DAB2IP: variants seen among roughly 807,000 people sequenced by gnomAD.
DAB2IP encodes disabled homolog 2-interacting protein.
DAB2IP carries 28 observed loss-of-function variants against 107.2 expected under a neutral mutation model. The observed-to-expected ratio is 0.26, with a 90% CI of 0.19 to 0.36. The LOEUF is 0.36. Among genes scored for constraint, DAB2IP ranks in the 10% least tolerant of loss-of-function variants. The pLI is 1.00. For synonymous variants in DAB2IP, 755 were observed against 706.4 expected (o/e 1.07, Z -1.09); for missense variants, 1,400 against 1,644.7 (o/e 0.85, Z 2.57).
At chr9:121,753,427 T>G (rs1214357751) in intron 3 of DAB2IP, among the ~76,000 whole-genome samples, 1 of 152,202 alleles carries the variant, frequency 6.6e-6, no homozygotes, top group Non-Finnish European at 1.5e-5. Context: ...TTGGGCCACC[T>G]TCTCTTCCAC....
chr9:121,620,543 T>C (rs183594791), intron 1 of DAB2IP, among the ~76,000 whole-genome samples: 3 of 152,328 alleles, frequency 2.0e-5, no homozygotes, highest in Admixed American at 2.0e-4. Context: ...GTGAGGTAGC[T>C]AATACATATC....
At chr9:121,784,668 C>G (rs1835881463) in exon 16 of DAB2IP, 1 of 154,942 alleles carries the variant, frequency 6.5e-6, no homozygotes, top group Non-Finnish European at 1.5e-5. Context: ...ATCCTTTGGT[C>G]CTGGTGCTGC....
chr9:121,681,326 G>C (rs1285490975), intron 2 of DAB2IP, among the ~76,000 whole-genome samples: 1 of 152,170 alleles, frequency 6.6e-6, no homozygotes, highest in African/African-American at 2.4e-5. Context: ...TCTAATAGGG[G>C]TATTATCACA....
At chr9:121,694,054 C>A (rs1016253733) in intron 2 of DAB2IP, among the ~76,000 whole-genome samples, 1 of 152,156 alleles carries the variant, frequency 6.6e-6, no homozygotes, top group African/African-American at 2.4e-5. Context: ...CAGGTCTTCA[C>A]TGGGAGCCCC....
intron 3 of DAB2IP, among the ~76,000 whole-genome samples, chr9:121,710,480 G>A (rs181562182): frequency 3.5e-4 from 54 of 152,232 alleles, no homozygotes; most frequent in African/African-American, 1.2e-3. Context: ...ATTCTCAAGC[G>A]TCTTTTTCTG....
chr9:121,691,192 A>C (rs1390719210), intron 2 of DAB2IP, among the ~76,000 whole-genome samples: 1 of 152,240 alleles, frequency 6.6e-6, no homozygotes, highest in Non-Finnish European at 1.5e-5. Context: ...CCAGCACTGG[A>C]GACCCAGGTT....
chr9:121,770,670 G>A, exon 11 of DAB2IP: 1 of 1,614,134 alleles, frequency 6.2e-7, no homozygotes, highest in South Asian at 1.1e-5. Context: ...GGCTCTGGCA[G>A]CAGCAGCATC....
At chr9:121,623,115 A>G (rs1831531264) in intron 1 of DAB2IP, among the ~76,000 whole-genome samples, 1 of 152,112 alleles carries the variant, frequency 6.6e-6, no homozygotes, top group Non-Finnish European at 1.5e-5. Flanking sequence ...TTCTCACCTC[A>G]GTTTTGCAGA....
intron 1 of DAB2IP, among the ~76,000 whole-genome samples, chr9:121,630,635 T>C (rs1284574073): frequency 2.0e-5 from 3 of 151,298 alleles, no homozygotes; most frequent in African/African-American, 7.3e-5. Flanking sequence ...TTGAATGGAG[T>C]CTTGCTCTGT....
rs1204551447 is a variant in DAB2IP at position 121,760,639 on chromosome 9, G to C, written c.1170+200G>C. Reference sequence around the variant, plus strand: ...CTCTGTGGCTGGAGCTGATCACTGAGGCCTGTGTGGAGCCAGTGGATGGGA... The same window carrying C: ...CTCTGTGGCTGGAGCTGATCACTGACGCCTGTGTGGAGCCAGTGGATGGGA... On this transcript the variant is annotated intron_variant, in intron 6 of 15. Coordinates refer to ENST00000408936, the Ensembl canonical transcript of DAB2IP. This position sits in a 1 kb window ranked among gnomAD's most constrained non-coding sequence, Gnocchi z 5.9. Among the ~76,000 whole-genome samples the C allele has an allele frequency of 1.3e-5, 2 of 152,160 alleles. No homozygotes were observed. The highest frequency in any genetic ancestry group is 4.8e-5 in the African/African-American group (2 of 41,438).
At chr9:121,606,030 G>GA (rs1284853245) in intron 1 of DAB2IP, among the ~76,000 whole-genome samples, 1 of 152,000 alleles carries the variant, frequency 6.6e-6, no homozygotes. Flanking sequence ...AAAAGGGAAA[G>GA]AAAAAAATGA....
At chr9:121,669,756 AC>A (rs1017685501) in intron 1 of DAB2IP, among the ~76,000 whole-genome samples, 1 of 152,158 alleles carries the variant, frequency 6.6e-6, no homozygotes, top group African/African-American at 2.4e-5. Context: ...GGTTACTTCA[AC>A]AAAAATTAGG....
chr9:121,598,358 T>C (rs961239285), intron 1 of DAB2IP: 7 of 152,120 alleles, frequency 4.6e-5, no homozygotes, highest in African/African-American at 1.7e-4. Flanking sequence ...CGCCGTTGGA[T>C]TCTGAGCCGG....
chr9:121,694,316 C>A (rs541019198), intron 2 of DAB2IP, among the ~76,000 whole-genome samples: 1 of 152,246 alleles, frequency 6.6e-6, no homozygotes, highest in South Asian at 2.1e-4. Flanking sequence ...ATTCCCCCAC[C>A]CGGAAATCCA....
At chr9:121,763,688 G>A (rs529089873) in intron 7 of DAB2IP, 39 bp downstream of exon 7, 1 of 1,611,842 alleles carries the variant, frequency 6.2e-7, no homozygotes, top group African/African-American at 1.3e-5. Flanking sequence ...GGGTGGGGCA[G>A]GGCCCGCCAG....
At chr9:121,659,043 C>T (rs536501438) in intron 1 of DAB2IP, among the ~76,000 whole-genome samples, 21 of 152,184 alleles carry the variant, frequency 1.4e-4, no homozygotes, top group African/African-American at 1.9e-4. Context: ...GGCGATGTGC[C>T]GACATAGTTG....
intron 1 of DAB2IP, among the ~76,000 whole-genome samples, chr9:121,608,111 G>A (rs1023679136): frequency 6.6e-6 from 1 of 152,238 alleles, no homozygotes; most frequent in African/African-American, 2.4e-5. Context: ...GATGTGGGGA[G>A]TTAAAAATAG....
At chr9:121,747,320 C>T (rs1309210353) in intron 3 of DAB2IP, among the ~76,000 whole-genome samples, 1 of 150,304 alleles carries the variant, frequency 6.7e-6, no homozygotes, top group East Asian at 1.9e-4. Flanking sequence ...CACTCACCCT[C>T]GTCAATGAGT....
At chr9:121,783,169 A>C in exon 16 of DAB2IP, 2 of 1,075,152 alleles carry the variant, frequency 1.9e-6, no homozygotes, top group South Asian at 6.3e-5. Context: ...ACCACCTGCT[A>C]CCTTCTTCCC....
Sources: allele counts gnomAD v4.1 joint callset (sites outside exome capture counted in the v4.1 genomes callset), GRCh38; gene constraint gnomAD v4.1.1; non-coding constraint Gnocchi (gnomAD v3.1); transcripts MANE v1.5; gene names NCBI Gene and HGNC (gene_info 2026-07-23, HGNC 2026-07-21).